NPNT: variants seen among roughly 807,000 people sequenced by gnomAD.
NPNT encodes the protein preosteoblast EGF-like repeat protein with MAM domain.
NPNT carries 45 observed loss-of-function variants against 68.6 expected under a neutral mutation model. The observed-to-expected ratio is 0.66, with a 90% CI of 0.52 to 0.84. The LOEUF (loss-of-function observed/expected upper bound fraction) is 0.84. Ranked by LOEUF, NPNT falls within the 40% of genes least tolerant of loss-of-function variation. The pLI is 0.00. For missense variants in NPNT, 672 were observed against 714.8 expected, an observed-to-expected ratio of 0.94 and a Z score of 0.68; for synonymous variants, 233 against 253.3, an observed-to-expected ratio of 0.92 and a Z score of 0.76.
intron 1 of NPNT, among the ~76,000 whole-genome samples, chr4:105,896,376 G>C (rs575044622): frequency 3.9e-5 from 6 of 152,260 alleles, no homozygotes; most frequent in African/African-American, 1.4e-4. Flanking sequence ...GCCTGACGGC[G>C]GCGTGCTGTG....
At chr4:105,964,716 C>T (rs1007614143) in intron 10 of NPNT, among the ~76,000 whole-genome samples, 2 of 151,642 alleles carry the variant, frequency 1.3e-5, no homozygotes, top group African/African-American at 4.8e-5. Flanking sequence ...TGGAAGTTTT[C>T]TATACAAAAA....
intron 2 of NPNT, among the ~76,000 whole-genome samples, chr4:105,915,978 G>T (rs1727784018): frequency 6.6e-6 from 1 of 152,058 alleles, no homozygotes; most frequent in Non-Finnish European, 1.5e-5. Context: ...TCTGCTAAAT[G>T]TTATCTAATA....
chr4:105,912,195 C>T (rs1235693098), intron 2 of NPNT: 13 of 1,532,658 alleles, frequency 8.5e-6, no homozygotes, highest in East Asian at 2.5e-5. Context: ...CAGCTTTCTA[C>T]GTCTTAAGGC....
intron 11 of NPNT, 89 bp downstream of exon 11, chr4:105,967,533 G>A: frequency 7.5e-7 from 1 of 1,327,046 alleles, no homozygotes; most frequent in Non-Finnish European, 1.0e-6. Flanking sequence ...GCCTTGCTGT[G>A]TGAATTCAGG....
At chr4:105,957,839 TGG>T (rs1731364604) in intron 8 of NPNT, among the ~76,000 whole-genome samples, 2 of 152,150 alleles carry the variant, frequency 1.3e-5, no homozygotes, top group Non-Finnish European at 2.9e-5. Flanking sequence ...AAGAGAGCAT[TGG>T]GTCTGAGACG....
intron 8 of NPNT, among the ~76,000 whole-genome samples, chr4:105,946,398 C>T (rs1730388317): frequency 6.6e-6 from 1 of 152,070 alleles, no homozygotes; most frequent in African/African-American, 2.4e-5. Context: ...CAATTATATC[C>T]AGCATCTCCA....
At chr4:105,950,805 T>C (rs1484627583) in intron 8 of NPNT, among the ~76,000 whole-genome samples, 1 of 152,164 alleles carries the variant, frequency 6.6e-6, no homozygotes, top group Non-Finnish European at 1.5e-5. Context: ...GTTATTTTAA[T>C]AGAGACAGGG....
At chr4:105,951,150 G>T (rs571524857) in intron 8 of NPNT, among the ~76,000 whole-genome samples, 8 of 152,238 alleles carry the variant, frequency 5.3e-5, no homozygotes, top group Non-Finnish European at 1.0e-4. Context: ...CCAAATGTAG[G>T]CTATTTAAAA....
In NPNT at chr4:105,940,607, G is replaced by T; in HGVS notation, c.734G>T (p.Gly245Val). Residue 245 changes from glycine to valine, a missense_variant, in exon 7 of 12, where the codon GGA becomes GTA. Transcript: ENST00000379987. ...TCCTACAAGTGCAAATGTAAAGAAGGATACCAGGGTGATGGACTGACTTGT... is the reference window on the plus strand; with the variant it reads ...TCCTACAAGTGCAAATGTAAAGAAGTATACCAGGGTGATGGACTGACTTGT... ...RGSYKCKCKEGYQGDGLTCVY... is the reference protein window; with the variant it reads ...RGSYKCKCKEVYQGDGLTCVY... 6.2e-7 allele frequency: 1 copy of T among 1,613,452 alleles called. No homozygotes were observed. Among genetic ancestry groups the T allele is most frequent in the Non-Finnish European group, 8.5e-7 (1 of 1,179,518 alleles).
chr4:105,949,160 C>A (rs535164772), intron 8 of NPNT, among the ~76,000 whole-genome samples: 1 of 152,202 alleles, frequency 6.6e-6, no homozygotes, highest in African/African-American at 2.4e-5. Context: ...TTAAGAACTC[C>A]TAGGTTTAGC....
chr4:105,949,670 G>A (rs1391638939), intron 8 of NPNT, among the ~76,000 whole-genome samples: 2 of 152,092 alleles, frequency 1.3e-5, no homozygotes, highest in African/African-American at 2.4e-5. Context: ...AAGTTAGGGG[G>A]ACATGCTTTC....
At chr4:105,914,371 CTCTA>C (rs1727618216) in intron 2 of NPNT, among the ~76,000 whole-genome samples, 1 of 128,944 alleles carries the variant, frequency 7.8e-6, no homozygotes. Flanking sequence ...CTCTCTCTCT[CTCTA>C]TATATATAAT....
At chr4:105,964,024 A>G (rs1731933952) in intron 10 of NPNT, among the ~76,000 whole-genome samples, 1 of 152,000 alleles carries the variant, frequency 6.6e-6, no homozygotes, top group African/African-American at 2.4e-5. Flanking sequence ...ATGGACTTTG[A>G]AGCCAGAATA....
intron 10 of NPNT, 127 bp from the exon 11 acceptor site, chr4:105,967,061 T>A (rs1285518728): frequency 1.1e-6 from 1 of 877,686 alleles, no homozygotes; most frequent in Non-Finnish European, 1.7e-6. Context: ...CATATTTTTC[T>A]TCTTCAAAAA....
intron 1 of NPNT, among the ~76,000 whole-genome samples, chr4:105,896,874 T>C (rs1341003350): frequency 6.6e-6 from 1 of 152,134 alleles, no homozygotes; most frequent in African/African-American, 2.4e-5. Flanking sequence ...AAAAGGGGAA[T>C]TGAAAAAGAT....
At chr4:105,922,059 T>C (rs570597813) in intron 2 of NPNT, among the ~76,000 whole-genome samples, 2 of 152,292 alleles carry the variant, frequency 1.3e-5, no homozygotes, top group South Asian at 4.1e-4. Context: ...ATGATGTAGA[T>C]TGAAAAAATT....
chr4:105,959,052 TTGACCA>T lies in NPNT; in HGVS notation c.1274_1279del (p.Asp425_His426del), dbSNP rs758703668. ...GGTGTTCTGGTACACAGTTGTAATT[TTGACCA>T]TGGACTTTGTGGATGGATCAGGGAG... On this transcript the variant is annotated inframe_deletion, in exon 10 of 12. Transcript: ENST00000379987. 1 of 1,612,660 alleles carries T rather than the reference TTGACCA, an allele frequency of 6.2e-7. No homozygotes were observed. Among genetic ancestry groups the T allele is most frequent in the South Asian group, 1.1e-5 (1 of 91,046 alleles).
chr4:105,958,627 A>G lies in NPNT; in HGVS notation c.1246+70A>G, dbSNP rs75565862. 16 of 896,722 alleles carry G rather than the reference A, an allele frequency of 1.8e-5. No individual in the cohort carries two copies. In the East Asian group the frequency reaches 2.5e-4, roughly 14 times the overall value. The allele number at this position is 896,722 out of a possible 1,614,324, so 55.5% of individuals were successfully genotyped here. A position where few individuals can be genotyped will look rare whatever the true frequency, so the allele number is the denominator to read the frequency against. On this transcript the variant is annotated intron_variant, in intron 9 of 11. Transcript: ENST00000379987. The stretch of plus-strand genomic sequence containing the variant: ...TTCTCTCCATGAAAATAACTTTTAA[A>G]TGTAGATCGTTTGGACCATTTGGGA...
At chr4:105,946,883 C>G (rs1402694020) in intron 8 of NPNT, among the ~76,000 whole-genome samples, 1 of 152,144 alleles carries the variant, frequency 6.6e-6, no homozygotes, top group African/African-American at 2.4e-5. Flanking sequence ...GGTTCGAGAG[C>G]AGAGAACTGG....
Sources: gnomAD v4.1 joint callset for allele counts (sites outside exome capture counted in the v4.1 genomes callset) on GRCh38, gnomAD v4.1.1 for gene constraint, MANE v1.5 for transcripts, NCBI Gene and HGNC (gene_info 2026-07-23, HGNC 2026-07-21) for gene names.